CATSPERE: variants seen among roughly 807,000 people sequenced by gnomAD.
The protein encoded by CATSPERE is catsper channel auxiliary subunit epsilon, also known as cation channel sperm-associated auxiliary subunit epsilon.
Under a neutral mutation model 114.1 loss-of-function variants are expected in CATSPERE, and 93 were observed. The ratio of observed to expected loss-of-function variants is 0.81; its 90% confidence interval spans 0.69 to 0.97. The LOEUF (loss-of-function observed/expected upper bound fraction) is 0.97. Ranked by LOEUF, CATSPERE falls within the 50% of genes least tolerant of loss-of-function variation. The pLI is 0.00. For missense variants in CATSPERE, 1,058 were observed against 1,131.6 expected, an observed-to-expected ratio of 0.93 and a Z score of 0.93; for synonymous variants, 341 against 384.1, an observed-to-expected ratio of 0.89 and a Z score of 1.31.
At chr1:244,555,764 G>A (rs1205312344) in intron 9 of CATSPERE, among the ~76,000 whole-genome samples, 2 of 152,108 alleles carry the variant, frequency 1.3e-5, no homozygotes, top group Non-Finnish European at 2.9e-5. Flanking sequence ...ACAAAAATCA[G>A]CAGCATTTCT....
intron 17 of CATSPERE, among the ~76,000 whole-genome samples, chr1:244,599,645 T>G (rs184112752): frequency 5.9e-5 from 9 of 152,318 alleles, no homozygotes; most frequent in African/African-American, 2.2e-4. Flanking sequence ...ATCCTTATCA[T>G]GGAGTAAAAG....
chr1:244,510,665 G>T (rs144035895), intron 7 of CATSPERE, among the ~76,000 whole-genome samples: 564 of 152,096 alleles, frequency 3.7e-3, no homozygotes, highest in African/African-American at 0.013. Flanking sequence ...TTTCTTTGTT[G>T]ATTTTCTATC....
chr1:244,519,891 C>A (rs913551406), intron 8 of CATSPERE, among the ~76,000 whole-genome samples: 1 of 152,182 alleles, frequency 6.6e-6, no homozygotes, highest in Non-Finnish European at 1.5e-5. Context: ...TGTTTCTTAA[C>A]AATTTGGCAA....
chr1:244,522,356 G>A (rs1677714445), intron 8 of CATSPERE, among the ~76,000 whole-genome samples: 1 of 152,114 alleles, frequency 6.6e-6, no homozygotes, highest in South Asian at 2.1e-4. Flanking sequence ...GAAATTTATA[G>A]CACTAAATGC....
At chr1:244,465,149 C>T (rs1374779211) in intron 2 of CATSPERE, among the ~76,000 whole-genome samples, 1 of 151,862 alleles carries the variant, frequency 6.6e-6, no homozygotes, top group Non-Finnish European at 1.5e-5. Context: ...GATTCTTCTG[C>T]CTCAGCCTCC....
chr1:244,566,669 TTTTTTTTTTTTTTTTTTTG>T (rs1267985859), intron 10 of CATSPERE, among the ~76,000 whole-genome samples: 1 of 116,130 alleles, frequency 8.6e-6, no homozygotes, highest in African/African-American at 3.1e-5. Context: ...TTTTTTTTTT[TTTTTTTTTTTTTTTTTTTG>T]CTTTCCATTT....
chr1:244,559,414 A>G (rs974849450), intron 9 of CATSPERE, among the ~76,000 whole-genome samples: 4 of 152,242 alleles, frequency 2.6e-5, no homozygotes, highest in Admixed American at 6.5e-5. Context: ...AAGTAAAATG[A>G]GGACAACAAG....
At position 244,552,528 on chromosome 1, in the gene CATSPERE, T is replaced by A. The variant is rs1373246870; in HGVS notation, c.743T>A (p.Val248Asp). The A allele has an allele frequency of 1.2e-6, 2 of 1,614,228 alleles. No individual in the cohort carries two copies. The highest frequency in any genetic ancestry group is 1.7e-6 in the Non-Finnish European group (2 of 1,180,046). ...QLMASWDACVVASAVLVTDME... is the reference protein window; with the variant it reads ...QLMASWDACVDASAVLVTDME... ...ATGGCTTCCTGGGATGCTTGTGTAG[T>A]TGCATCTGCTGTTTTGGTGACAGAT... The change falls in exon 9 of 22, where the codon GTT becomes GAT. Residue 248 changes from valine (V) to aspartate (D), a missense_variant. Val to Asp is a radical substitution (Grantham distance 152). Transcript: ENST00000366534.
At position 244,612,196 on chromosome 1, in the gene CATSPERE, C is replaced by G. The variant is rs148729402; in HGVS notation, c.2490+1870C>G. Among the ~76,000 whole-genome samples, 129 of 152,286 alleles carry G rather than the reference C, an allele frequency of 8.5e-4. No homozygotes were observed. The Middle Eastern group carries it at 0.014, about 16-fold the overall frequency. On this transcript the variant is annotated intron_variant, in intron 19 of 21. Transcript: ENST00000366534. ...GAATATAATAGAAAGCAGGTACCTGCAAAGACTAGTTATGTCCTCGTGAGT... is the reference window on the plus strand; with the variant it reads ...GAATATAATAGAAAGCAGGTACCTGGAAAGACTAGTTATGTCCTCGTGAGT...
intron 21 of CATSPERE, chr1:244,636,522 T>G (rs1356969659): frequency 6.6e-6 from 1 of 152,146 alleles, no homozygotes; most frequent in East Asian, 1.9e-4. Context: ...GGGGTTGGTA[T>G]GTTTGATTTA....
chr1:244,531,936 G>T (rs1314878437), intron 8 of CATSPERE, among the ~76,000 whole-genome samples: 2 of 152,136 alleles, frequency 1.3e-5, no homozygotes, highest in Non-Finnish European at 2.9e-5. Flanking sequence ...CTGAAATTCA[G>T]CAATGAAGCC....
chr1:244,598,382 A>C (rs931214909), intron 17 of CATSPERE: 1 of 159,490 alleles, frequency 6.3e-6, no homozygotes, highest in Non-Finnish European at 1.4e-5. Context: ...ACGTAAAATC[A>C]TGAGACAATT....
chr1:244,593,607 T>G (rs1420056419), intron 17 of CATSPERE, 29 bp downstream of exon 17: 1 of 1,566,814 alleles, frequency 6.4e-7, no homozygotes, highest in East Asian at 2.2e-5. Flanking sequence ...ACATTTTAAC[T>G]TATATTGAAA....
intron 2 of CATSPERE, among the ~76,000 whole-genome samples, chr1:244,472,407 T>A (rs1204281757): frequency 6.6e-6 from 1 of 152,244 alleles, no homozygotes; most frequent in African/African-American, 2.4e-5. Context: ...TATATTGATT[T>A]TTTTTTGACA....
intron 2 of CATSPERE, among the ~76,000 whole-genome samples, chr1:244,464,182 C>T (rs954144634): frequency 2.0e-5 from 3 of 152,120 alleles, no homozygotes; most frequent in Non-Finnish European, 4.4e-5. Flanking sequence ...ATTCACTGTT[C>T]ACAATGTGAT....
chr1:244,477,158 G>A (rs1211073557), intron 2 of CATSPERE, among the ~76,000 whole-genome samples: 1 of 152,106 alleles, frequency 6.6e-6, no homozygotes, highest in African/African-American at 2.4e-5. Context: ...ACCACGCCCA[G>A]CTAATTTTTG....
chr1:244,580,290 T>A (rs188400195), intron 11 of CATSPERE, among the ~76,000 whole-genome samples: 271 of 150,792 alleles, frequency 1.8e-3, no homozygotes, highest in African/African-American at 6.3e-3. Flanking sequence ...TAACCTCAAG[T>A]GATCTCTTCG....
chr1:244,636,511 T>C (rs920133259), intron 21 of CATSPERE: 2 of 152,216 alleles, frequency 1.3e-5, no homozygotes, highest in African/African-American at 4.8e-5. Flanking sequence ...CTTTTCCTCA[T>C]GGGGTTGGTA....
chr1:244,556,970 T>G (rs909093428), intron 9 of CATSPERE, among the ~76,000 whole-genome samples: 1 of 152,220 alleles, frequency 6.6e-6, no homozygotes, highest in Admixed American at 6.5e-5. Context: ...ACACCACTTA[T>G]TGAAGAGACT....
Sources: gnomAD v4.1 joint callset for allele counts (sites outside exome capture counted in the v4.1 genomes callset) on GRCh38, gnomAD v4.1.1 for gene constraint, MANE v1.5 for transcripts, NCBI Gene and HGNC (gene_info 2026-07-23, HGNC 2026-07-21) for gene names.